KANSL1L: variants seen among roughly 807,000 people sequenced by gnomAD.
KANSL1L encodes KAT8 regulatory NSL complex subunit 1 like.
A neutral mutation model predicts 108.6 loss-of-function variants in KANSL1L; 25 were observed. The observed-to-expected ratio is 0.23, with a 90% CI of 0.17 to 0.32. The LOEUF (loss-of-function observed/expected upper bound fraction) is 0.32. Ranked by LOEUF, KANSL1L falls within the 10% of genes least tolerant of loss-of-function variation. The pLI, the probability that KANSL1L is intolerant of heterozygous loss-of-function variation, is 1.00. For missense variants in KANSL1L, 1,137 were observed against 1,125.7 expected, an observed-to-expected ratio of 1.01 and a Z score of -0.14; for synonymous variants, 405 against 395.1, an observed-to-expected ratio of 1.03 and a Z score of -0.30.
intron 13 of KANSL1L, 88 bp from the exon 14 acceptor site, chr2:210,024,289 G>A: frequency 1.0e-6 from 1 of 1,002,748 alleles, no homozygotes; most frequent in Non-Finnish European, 1.4e-6. Context: ...ACTGAGTCAA[G>A]TTAACTTGGT....
At position 210,040,462 on chromosome 2, in the gene KANSL1L, C is replaced by T. The variant is rs758371978; in HGVS notation, c.1987G>A (p.Glu663Lys). 9 of 1,566,598 alleles carry T rather than the reference C, an allele frequency of 5.7e-6. No homozygotes were observed. The highest frequency in any genetic ancestry group is 7.0e-6 in the Non-Finnish European group (8 of 1,142,314). The change falls in exon 8 of 15, where the codon GAA becomes AAA. Residue 663 changes from glutamate to lysine, a missense_variant. Transcript: ENST00000281772. ...KKTEIKGNLA[E>K]NKFVDEYIIS... ...ATATATTCATCTACAAATTTATTTT[C>T]AGCAAGATTGCCTTTTATTTCAGTC...
rs746686535 is a variant in KANSL1L at position 210,154,496 on chromosome 2, G to T, written c.87C>A (p.Tyr29Ter). The change falls in exon 2 of 15, where the codon TAC becomes TAA. Residue 29 changes from tyrosine (Y) to a stop codon, truncating the protein, a stop_gained. Transcript: ENST00000281772. LOFTEE classifies it high-confidence loss of function. Reference protein sequence around the residue: ...PSTMESDKMLYMESPRTVDEK... With the variant: ...PSTMESDKML ...CATCTACAGTTCTGGGACTTTCCAT[G>T]TAGAGCATCTTGTCAGACTCCATGG... The T allele has an allele frequency of 6.2e-7, 1 of 1,609,886 alleles. No individual in the cohort carries two copies. Among genetic ancestry groups the T allele is most frequent in the South Asian group, 1.1e-5 (1 of 90,010 alleles).
chr2:210,073,047 T>A (rs1220124386), intron 6 of KANSL1L, among the ~76,000 whole-genome samples: 2 of 152,214 alleles, frequency 1.3e-5, no homozygotes, highest in Non-Finnish European at 2.9e-5. Flanking sequence ...TGGTTCAATA[T>A]TGTCCTTATT....
intron 2 of KANSL1L, among the ~76,000 whole-genome samples, chr2:210,134,660 G>A (rs2125564622): frequency 6.6e-6 from 1 of 152,220 alleles, no homozygotes; most frequent in Non-Finnish European, 1.5e-5. Context: ...AGGGAGAGGT[G>A]GATAGTCTGA....
At chr2:210,130,830 G>T (rs1300095472) in intron 2 of KANSL1L, among the ~76,000 whole-genome samples, 1 of 132,884 alleles carries the variant, frequency 7.5e-6, no homozygotes, top group African/African-American at 2.9e-5. Flanking sequence ...GAAACTACTG[G>T]CAAGGTGGTA....
In KANSL1L at chr2:210,023,041, C is replaced by G; in HGVS notation, c.2872G>C (p.Glu958Gln). The change falls in exon 15 of 15, where the codon GAG (glutamate) becomes CAG (glutamine). Residue 958 changes from glutamate (E) to glutamine (Q), a missense_variant. Transcript: ENST00000281772. Reference sequence around the variant, plus strand: ...TGCTTTTTTGGATGGTGGCCATTCTCTGGTACACTGGTACCGAAGATTTCA... The same window carrying G: ...TGCTTTTTTGGATGGTGGCCATTCTGTGGTACACTGGTACCGAAGATTTCA... ...HGEIFGTSVPENGHHPKKQSD... is the reference protein window; with the variant it reads ...HGEIFGTSVPQNGHHPKKQSD... 1 of 1,613,970 alleles carries G rather than the reference C, an allele frequency of 6.2e-7. No homozygotes were observed. Among genetic ancestry groups the G allele is most frequent in the Non-Finnish European group, 8.5e-7 (1 of 1,179,908 alleles).
chr2:210,130,133 A>G (rs2095107418), intron 2 of KANSL1L, among the ~76,000 whole-genome samples: 1 of 152,208 alleles, frequency 6.6e-6, no homozygotes, highest in South Asian at 2.1e-4. Flanking sequence ...CCAAGAGTGA[A>G]CCCTAATGTA....
At chr2:210,028,535 GT>G (rs2093969886) in intron 11 of KANSL1L, 1 of 172,684 alleles carries the variant, frequency 5.8e-6, no homozygotes, top group Admixed American at 6.6e-5. Context: ...TGTTGCTATA[GT>G]TTTTATGTCA....
At chr2:210,067,528 T>C (rs1244944187) in intron 6 of KANSL1L, among the ~76,000 whole-genome samples, 1 of 151,636 alleles carries the variant, frequency 6.6e-6, no homozygotes, top group Non-Finnish European at 1.5e-5. Context: ...CGAAACCCCA[T>C]CTCTGCAAAA....
chr2:210,158,379 A>G (rs1299814409), intron 1 of KANSL1L, among the ~76,000 whole-genome samples: 1 of 152,168 alleles, frequency 6.6e-6, no homozygotes, highest in Non-Finnish European at 1.5e-5. Flanking sequence ...GTGATCTGAG[A>G]AACAGATCCT....
At chr2:210,036,892 G>T (rs548809080) in intron 8 of KANSL1L, among the ~76,000 whole-genome samples, 2 of 152,082 alleles carry the variant, frequency 1.3e-5, no homozygotes, top group South Asian at 4.2e-4. Flanking sequence ...AAGTAGCTAG[G>T]ACAACAGGTG....
At chr2:210,153,440 A>G (rs2095315750) in intron 2 of KANSL1L, 55 bp downstream of exon 2, 1 of 1,327,458 alleles carries the variant, frequency 7.5e-7, no homozygotes, top group Non-Finnish European at 1.1e-6. Flanking sequence ...GGAAACTAAG[A>G]TAATTGCTGC....
intron 1 of KANSL1L, among the ~76,000 whole-genome samples, chr2:210,157,961 G>T (rs193291445): frequency 2.2e-4 from 33 of 151,988 alleles, no homozygotes; most frequent in African/African-American, 8.0e-4. Context: ...AAAGAGAAAG[G>T]GAAAAAATGC....
chr2:210,065,473 A>T (rs1055358888), intron 6 of KANSL1L, among the ~76,000 whole-genome samples: 2 of 151,958 alleles, frequency 1.3e-5, no homozygotes, highest in South Asian at 4.2e-4. Context: ...GGGAACTGCC[A>T]GTAAAACTGT....
Position 210,081,975 on chromosome 2 carries a change from C to A in KANSL1L, c.1551-6219G>T, listed in dbSNP as rs73984325. On this transcript the variant is annotated intron_variant, in intron 5 of 14. Coordinates refer to ENST00000281772, the MANE Select transcript of KANSL1L (RefSeq NM_152519.4). ...TCAGAGAGAATCTCATTCTGTCTCC[C>A]AGGCTGGAGTGCATCTGGTATGAAC... Among the ~76,000 whole-genome samples, 143 of 152,280 alleles carry A rather than the reference C, an allele frequency of 9.4e-4. 1 individual carries two copies. Among genetic ancestry groups the A allele is most frequent in the African/African-American group, 3.3e-3 (139 of 41,564 alleles).
rs756061748 is a variant in KANSL1L, at chr2:210,028,954, T to C, written c.2287A>G (p.Arg763Gly). 1.9e-6 allele frequency: 3 copies of C among 1,611,044 alleles called. No homozygotes were observed. The highest frequency in any genetic ancestry group is 8.5e-7 in the Non-Finnish European group (1 of 1,178,194). The change falls in exon 11 of 15, where the codon AGA (arginine) becomes GGA (glycine). Residue 763 changes from arginine (R) to glycine (G), a missense_variant. Coordinates refer to ENST00000281772, the MANE Select transcript of KANSL1L (RefSeq NM_152519.4). ...QNSSRNTARR[R>G]LRSESSYDID... is the part of the protein sequence containing the mutation. The stretch of plus-strand genomic sequence containing the variant: ...TCATAAGAGCTCTCACTTCTCAATC[T>C]CCGTCGTGCAGTATTCTGCAAAACA...
intron 1 of KANSL1L, among the ~76,000 whole-genome samples, chr2:210,166,009 T>C (rs1305324257): frequency 1.3e-5 from 2 of 152,192 alleles, no homozygotes; most frequent in Non-Finnish European, 2.9e-5. Flanking sequence ...ATCATATGTA[T>C]GTATGGTTAG....
intron 8 of KANSL1L, among the ~76,000 whole-genome samples, chr2:210,031,973 A>G (rs535305379): frequency 1.3e-5 from 2 of 152,344 alleles, no homozygotes; most frequent in African/African-American, 2.4e-5. Context: ...CCTTAGTTGC[A>G]TCATCTGTAA....
intron 2 of KANSL1L, among the ~76,000 whole-genome samples, chr2:210,130,203 C>T (rs925832888): frequency 6.6e-5 from 10 of 152,162 alleles, no homozygotes; most frequent in African/African-American, 2.2e-4. Flanking sequence ...GTAACAAATA[C>T]ACCACTCTGT....
Sources: allele counts gnomAD v4.1 joint callset (sites outside exome capture counted in the v4.1 genomes callset), GRCh38; gene constraint gnomAD v4.1.1; transcripts MANE v1.5; gene names NCBI Gene and HGNC (gene_info 2026-07-23, HGNC 2026-07-21).